The following PUM1 variants were observed in gnomAD, a reference collection of about 807,000 sequenced individuals.
PUM1 encodes the protein pumilio homolog 1.
A neutral mutation model predicts 131.8 loss-of-function variants in PUM1; 13 were observed. That is an observed-to-expected ratio of 0.10 (90% CI 0.06 to 0.16). The LOEUF (loss-of-function observed/expected upper bound fraction) is 0.16. Among genes scored for constraint, PUM1 ranks in the 10% least tolerant of loss-of-function variants. The probability of loss-of-function intolerance (pLI) is 1.00; values close to 1 mark genes in which losing one functional copy is unlikely to be tolerated. For synonymous variants in PUM1, 509 were observed against 556.5 expected (o/e 0.91, Z 1.20); for missense variants, 961 against 1,512.4 (o/e 0.64, Z 6.05).
At chr1:31,005,179 T>C (rs951626871) in intron 5 of PUM1, among the ~76,000 whole-genome samples, 4 of 152,166 alleles carry the variant, frequency 2.6e-5, no homozygotes, top group Admixed American at 6.5e-5. Context: ...CTATCACAGA[T>C]GCTCATAGAA....
At chr1:31,009,776 A>C (rs113239986) in intron 3 of PUM1, among the ~76,000 whole-genome samples, 1 of 62,206 alleles carries the variant, frequency 1.6e-5, no homozygotes, top group East Asian at 8.3e-4. Flanking sequence ...TCAAAAAAAA[A>C]AAAAAAAAAA....
chr1:31,041,809 T>C (rs1643824603), intron 2 of PUM1, among the ~76,000 whole-genome samples: 1 of 152,136 alleles, frequency 6.6e-6, no homozygotes, highest in Non-Finnish European at 1.5e-5. Flanking sequence ...CTTTTTGTTA[T>C]AAATTGCCCA....
chr1:30,952,690 G>C, intron 15 of PUM1, among the ~76,000 whole-genome samples: 1 of 109,696 alleles, frequency 9.1e-6, no homozygotes, highest in South Asian at 3.7e-4. Context: ...GGGCGGGGGG[G>C]GGGCGGGAGG....
At chr1:31,025,545 C>CG in intron 3 of PUM1, among the ~76,000 whole-genome samples, 1 of 88,806 alleles carries the variant, frequency 1.1e-5, no homozygotes, top group East Asian at 3.8e-4. Context: ...TGTTTTTTGT[C>CG]TTTTTTTTTT....
At chr1:31,048,267 T>TA (rs1007857573) in intron 2 of PUM1, among the ~76,000 whole-genome samples, 4 of 150,296 alleles carry the variant, frequency 2.7e-5, no homozygotes, top group Admixed American at 1.3e-4. Flanking sequence ...AAATAAAAAA[T>TA]AAAAAAAAGA....
At chr1:31,044,985 T>C (rs1486096903) in intron 2 of PUM1, among the ~76,000 whole-genome samples, 1 of 152,128 alleles carries the variant, frequency 6.6e-6, no homozygotes, top group East Asian at 1.9e-4. Flanking sequence ...AGTTTTTGTA[T>C]TTTTAGTAGA....
chr1:31,051,098 T>C (rs1026720590), intron 2 of PUM1: 9 of 151,618 alleles, frequency 5.9e-5, no homozygotes, highest in African/African-American at 2.2e-4. Flanking sequence ...TCCACCCCAA[T>C]GAAAGAAACC....
At chr1:30,967,331 A>T (rs746234391) in intron 11 of PUM1, 21 bp from the exon 12 acceptor site, 1 of 1,606,394 alleles carries the variant, frequency 6.2e-7, no homozygotes, top group South Asian at 1.1e-5. Flanking sequence ...CAAGCCAACA[A>T]AGAAATGTAT....
At chr1:30,950,368 G>T in intron 16 of PUM1, 107 bp from the exon 17 acceptor site, 1 of 1,164,886 alleles carries the variant, frequency 8.6e-7, no homozygotes, top group Non-Finnish European at 1.2e-6. Context: ...ACCTCTTTTA[G>T]CCCTGATACC....
chr1:30,931,808 G>A lies in PUM1; in HGVS notation c.*1403C>T, dbSNP rs1249818764. The stretch of plus-strand genomic sequence containing the variant: ...CATCTTCTGTACAAAAGGGAAGGGC[G>A]ATTCACACTTTACAAGGTGAGAGGG... On this transcript the variant is annotated 3_prime_UTR_variant, in exon 22 of 22. Coordinates refer to ENST00000426105, the MANE Select transcript of PUM1 (RefSeq NM_001020658.2). 1.3e-5 allele frequency: 2 copies of A among 152,542 alleles called. No individual in the cohort carries two copies. The highest frequency in any genetic ancestry group is 2.9e-5 in the Non-Finnish European group (2 of 68,030). The allele number at this position is 152,542 out of a possible 1,614,324, so 9.4% of individuals were successfully genotyped here.
intron 9 of PUM1, among the ~76,000 whole-genome samples, chr1:30,975,535 T>TC (rs1641102417): frequency 6.8e-6 from 1 of 146,332 alleles, no homozygotes; most frequent in African/African-American, 2.5e-5. Flanking sequence ...TTTTTTTTTT[T>TC]TTTTTTTGGT....
chr1:31,030,192 G>A (rs1012574215), intron 2 of PUM1, among the ~76,000 whole-genome samples: 5 of 151,870 alleles, frequency 3.3e-5, no homozygotes, highest in African/African-American at 4.8e-5. Context: ...CTGGGTGACA[G>A]AGCGAGATTC....
intron 19 of PUM1, 77 bp downstream of exon 19, chr1:30,941,921 C>CA: frequency 7.3e-7 from 1 of 1,367,528 alleles, no homozygotes. Context: ...CTGGAACCTA[C>CA]ACTGACAAAA....
chr1:30,942,940 G>GA (rs1221819947), intron 18 of PUM1, among the ~76,000 whole-genome samples: 4 of 152,128 alleles, frequency 2.6e-5, no homozygotes, highest in Non-Finnish European at 4.4e-5. Context: ...ATTGTGTGTA[G>GA]AGACGGAGAT....
intron 7 of PUM1, among the ~76,000 whole-genome samples, chr1:30,991,157 A>G (rs1312411031): frequency 1.3e-5 from 2 of 152,172 alleles, no homozygotes; most frequent in African/African-American, 4.8e-5. Flanking sequence ...GTTAGATTGC[A>G]TTACACTGGG....
rs149111535 is a variant in PUM1, at chr1:30,992,636, G to A, written c.912C>T (p.Asn304=). The change falls in exon 7 of 22, where the codon AAC becomes AAT. Residue 304 remains asparagine, a synonymous_variant. Coordinates refer to ENST00000426105, the MANE Select transcript of PUM1 (RefSeq NM_001020658.2). The part of the protein sequence containing the change: ...DFSRTPGNCQ[N]SANEVDLLGP... ...CCAGAAGATCCACTTCATTAGCAGA[G>A]TTCTGGCAATTACCAGGGGTACGGC... 10 of 1,613,670 alleles carry A rather than the reference G, an allele frequency of 6.2e-6. No homozygotes were observed. In the African/African-American group the frequency reaches 1.2e-4, roughly 19 times the overall value.
chr1:31,061,674 C>T (rs56114736), intron 1 of PUM1: 10,945 of 151,510 alleles, frequency 0.072, 653 homozygotes, highest in East Asian at 0.29. Context: ...AACCAGAAGC[C>T]TCAGTTGGGT....
At chr1:31,052,923 C>T (rs1490254636) in intron 2 of PUM1, among the ~76,000 whole-genome samples, 1 of 151,822 alleles carries the variant, frequency 6.6e-6, no homozygotes, top group Non-Finnish European at 1.5e-5. Context: ...AGGTTAGTCT[C>T]GAACTCCTGG....
Position 30,936,640 on chromosome 1 carries a change from T to A in PUM1, c.3435+3A>T, listed in dbSNP as rs777932146. On this transcript the variant is annotated splice_donor_region_variant and intron_variant, in intron 21 of 21. Transcript: ENST00000426105. ...CTCTGAGACCCTGCCCAGCCCGGCC[T>A]ACCTTATGCATGACGATCTTCCGCT... 1.2e-6 allele frequency: 2 copies of A among 1,612,024 alleles called. No individual in the cohort carries two copies. The highest frequency in any genetic ancestry group is 2.7e-5 in the African/African-American group (2 of 74,868).
Sources: allele counts gnomAD v4.1 joint callset (sites outside exome capture counted in the v4.1 genomes callset), GRCh38; gene constraint gnomAD v4.1.1; transcripts MANE v1.5; gene names NCBI Gene and HGNC (gene_info 2026-07-23, HGNC 2026-07-21).